Variants in GRIA4 observed in about 807,000 individuals in gnomAD.
GRIA4 encodes the protein glutamate receptor 4.
GRIA4 carries 34 observed loss-of-function variants against 104.0 expected under a neutral mutation model. The observed-to-expected ratio is 0.33, with a 90% CI of 0.25 to 0.44. GRIA4 has a LOEUF of 0.44. Among genes scored for constraint, GRIA4 ranks in the 20% least tolerant of loss-of-function variants. The probability of loss-of-function intolerance (pLI) is 1.00; values close to 1 mark genes in which losing one functional copy is unlikely to be tolerated. For missense variants in GRIA4, 750 were observed against 1,096.5 expected, an observed-to-expected ratio of 0.68 and a Z score of 4.46; for synonymous variants, 386 against 381.9, an observed-to-expected ratio of 1.01 and a Z score of -0.13.
At chr11:105,769,504 A>G (rs1352922893) in intron 4 of GRIA4, among the ~76,000 whole-genome samples, 1 of 152,052 alleles carries the variant, frequency 6.6e-6, no homozygotes, top group Non-Finnish European at 1.5e-5. Context: ...AATGGAGGAT[A>G]CTTTGAGGGA....
chr11:105,702,960 G>T (rs745940586), intron 3 of GRIA4, among the ~76,000 whole-genome samples: 4 of 152,040 alleles, frequency 2.6e-5, no homozygotes, highest in Non-Finnish European at 5.9e-5. Flanking sequence ...CTCCCAATGT[G>T]CTGGGATTAA....
At chr11:105,899,004 T>C (rs529193448) in intron 7 of GRIA4, among the ~76,000 whole-genome samples, 2 of 152,330 alleles carry the variant, frequency 1.3e-5, no homozygotes, top group East Asian at 1.9e-4. Context: ...TGTTAAATTA[T>C]GGCATAATGT....
At chr11:105,866,549 G>GTC (rs1345654796) in intron 5 of GRIA4, among the ~76,000 whole-genome samples, 1 of 78,268 alleles carries the variant, frequency 1.3e-5, no homozygotes, top group Non-Finnish European at 2.7e-5. Flanking sequence ...GTGTGTGTGT[G>GTC]TGTATATATA....
intron 3 of GRIA4, among the ~76,000 whole-genome samples, chr11:105,727,713 G>T (rs894611033): frequency 2.6e-5 from 4 of 152,126 alleles, no homozygotes; most frequent in African/African-American, 9.7e-5. Flanking sequence ...GAGAGTGGGG[G>T]CCAATATTCA....
In GRIA4 at chr11:105,862,198, T is replaced by C. The variant is rs143033087; in HGVS notation, c.662T>C (p.Ile221Thr). 19 of 1,568,214 alleles carry C rather than the reference T, an allele frequency of 1.2e-5. No homozygotes were observed. Among genetic ancestry groups the C allele is most frequent in the Non-Finnish European group, 1.7e-5 (19 of 1,138,710 alleles). ...IDCEIERLQNILEQIVSVGKH... is the reference protein window; with the variant it reads ...IDCEIERLQNTLEQIVSVGKH... ...TGTGAGATAGAGAGACTTCAAAACA[T>C]ATTAGAACAGGTAAGTCCTAGATTT... The change falls in exon 5 of 17, where the codon ATA becomes ACA. Residue 221 changes from isoleucine (I) to threonine (T), a missense_variant. By Grantham distance (89) the Ile-to-Thr change is moderately conservative. Around this residue, in one of 3 missense-constraint regions of GRIA4, gnomAD observed 410 missense variants for 502.7 expected, o/e 0.82. Coordinates refer to ENST00000282499, the MANE Select transcript of GRIA4 (RefSeq NM_000829.4).
At chr11:105,622,696 T>C (rs1950780261) in intron 3 of GRIA4, among the ~76,000 whole-genome samples, 1 of 151,924 alleles carries the variant, frequency 6.6e-6, no homozygotes, top group African/African-American at 2.4e-5. Flanking sequence ...ATTTTTTTAC[T>C]TATATAAATT....
intron 3 of GRIA4, among the ~76,000 whole-genome samples, chr11:105,644,187 T>C (rs2135360051): frequency 6.6e-6 from 1 of 152,332 alleles, no homozygotes; most frequent in South Asian, 2.1e-4. Flanking sequence ...GAAAGGATTA[T>C]TGAAAGATTT....
At chr11:105,927,858 C>T (rs747843826) in intron 13 of GRIA4, among the ~76,000 whole-genome samples, 44 of 151,796 alleles carry the variant, frequency 2.9e-4, no homozygotes, top group Admixed American at 2.4e-3. Flanking sequence ...TAGGTAAAAA[C>T]GAACACATTT....
At chr11:105,899,685 T>C (rs1289937844) in intron 7 of GRIA4, among the ~76,000 whole-genome samples, 1 of 152,128 alleles carries the variant, frequency 6.6e-6, no homozygotes, top group Non-Finnish European at 1.5e-5. Context: ...CCAGGGGAAA[T>C]ATAGGGTTAA....
rs575719693 is a variant in GRIA4, at chr11:105,844,804, T to C, written c.488-17220T>C. On this transcript the variant is annotated intron_variant, in intron 4 of 16. Coordinates refer to ENST00000282499, the MANE Select transcript of GRIA4 (RefSeq NM_000829.4). ...ACTACTACCACTACTGCTACTACTA[T>C]TGCACACACACAAACACACTTACTA... is the stretch of plus-strand genomic sequence containing the variant. Among the ~76,000 whole-genome samples, 4 of 152,304 alleles carry C rather than the reference T, an allele frequency of 2.6e-5. No individual in the cohort carries two copies. The East Asian group carries it at 7.7e-4, about 29-fold the overall frequency.
At chr11:105,967,225 A>T (rs1247556340) in intron 14 of GRIA4, among the ~76,000 whole-genome samples, 1 of 152,194 alleles carries the variant, frequency 6.6e-6, no homozygotes, top group East Asian at 1.9e-4. Context: ...TGCTTTACAG[A>T]TAAAATTTTC....
intron 3 of GRIA4, among the ~76,000 whole-genome samples, chr11:105,725,738 T>C (rs1405158199): frequency 6.6e-6 from 1 of 151,782 alleles, no homozygotes; most frequent in Non-Finnish European, 1.5e-5. Context: ...GTGCAGCCCA[T>C]GGAGAGCAAG....
intron 2 of GRIA4, among the ~76,000 whole-genome samples, chr11:105,611,584 T>A (rs555413903): frequency 6.6e-6 from 1 of 152,302 alleles, no homozygotes; most frequent in African/African-American, 2.4e-5. Context: ...GTTAGCAGAT[T>A]CCAAAGTTAG....
intron 3 of GRIA4, among the ~76,000 whole-genome samples, chr11:105,665,309 C>T (rs1952132079): frequency 6.6e-6 from 1 of 151,900 alleles, no homozygotes. Flanking sequence ...AGACAATTAC[C>T]TTATGAGAAA....
At chr11:105,794,768 A>T (rs1942411797) in intron 4 of GRIA4, among the ~76,000 whole-genome samples, 1 of 151,438 alleles carries the variant, frequency 6.6e-6, no homozygotes, top group African/African-American at 2.4e-5. Flanking sequence ...GTAAACTTCT[A>T]GATAGGAAAA....
At chr11:105,951,761 C>G (rs1948462494) in intron 14 of GRIA4, among the ~76,000 whole-genome samples, 1 of 152,018 alleles carries the variant, frequency 6.6e-6, no homozygotes, top group Non-Finnish European at 1.5e-5. Context: ...AGTTCGAGAC[C>G]AGCATGGGCA....
chr11:105,681,915 G>A (rs1046416386), intron 3 of GRIA4, among the ~76,000 whole-genome samples: 11 of 151,942 alleles, frequency 7.2e-5, no homozygotes, highest in African/African-American at 1.9e-4. Context: ...GGTCGTGGGC[G>A]CCTGTAATCC....
chr11:105,913,665 T>C (rs979032594), intron 10 of GRIA4, among the ~76,000 whole-genome samples: 24 of 151,990 alleles, frequency 1.6e-4, no homozygotes, highest in African/African-American at 5.8e-4. Flanking sequence ...TCCTCTGTAA[T>C]CTAACTACTT....
intron 4 of GRIA4, among the ~76,000 whole-genome samples, chr11:105,803,588 A>G (rs1191079929): frequency 6.6e-6 from 1 of 151,972 alleles, no homozygotes; most frequent in African/African-American, 2.4e-5. Context: ...TTAAATCAAT[A>G]GGCTCTTCTG....
Sources: allele counts gnomAD v4.1 joint callset (sites outside exome capture counted in the v4.1 genomes callset), GRCh38; gene constraint gnomAD v4.1.1; regional missense constraint gnomAD v4.1.1; transcripts MANE v1.5; gene names NCBI Gene and HGNC (gene_info 2026-07-23, HGNC 2026-07-21).